The following NIPSNAP3B variants were observed in gnomAD, a reference collection of about 807,000 sequenced individuals.
NIPSNAP3B encodes the protein nipsnap homolog 3B, also known as protein NipSnap homolog 3B.
In NIPSNAP3B, 30 loss-of-function variants were observed where a neutral mutation model predicts 31.5. The observed-to-expected ratio is 0.95, with a 90% CI of 0.71 to 1.29. The LOEUF (loss-of-function observed/expected upper bound fraction) is 1.29. Ranked by LOEUF, NIPSNAP3B falls within the 50% of genes most tolerant of loss-of-function variation. The pLI, the probability that NIPSNAP3B is intolerant of heterozygous loss-of-function variation, is 0.00. For missense variants in NIPSNAP3B, 269 were observed against 300.7 expected (o/e 0.89, Z 0.78); for synonymous variants, 106 against 107.9 (o/e 0.98, Z 0.11).
chr9:104,789,819 C>T, the NIPSNAP3B span, among the ~76,000 whole-genome samples: 2 of 152,168 alleles, frequency 1.3e-5, no homozygotes, highest in African/African-American at 4.8e-5. Context: ...AGAAGCCGGG[C>T]GCAGTGGCTC....
In NIPSNAP3B at chr9:104,774,680, A is replaced by G. The variant is rs1944802902; in HGVS notation, c.*1607A>G. ...CCCCGGTTTAAGCAAAAATAGAATT[A>G]TGTGGTTTAAATCATATACCTTATT... On this transcript the variant is annotated 3_prime_UTR_variant, in exon 6 of 6. Coordinates refer to ENST00000374762, the MANE Select transcript of NIPSNAP3B (RefSeq NM_018376.4). 6.6e-6 allele frequency among the ~76,000 whole-genome samples: 1 copy of G among 152,192 alleles called. No individual in the cohort carries two copies. Among genetic ancestry groups the G allele is most frequent in the African/African-American group, 2.4e-5 (1 of 41,440 alleles).
the NIPSNAP3B span, chr9:104,788,441 C>A: frequency 1.9e-6 from 3 of 1,614,158 alleles, no homozygotes; most frequent in East Asian, 6.7e-5. Context: ...CAACTTCTTT[C>A]TCTGGGACTC....
the NIPSNAP3B span, chr9:104,783,172 T>C: frequency 6.6e-6 from 1 of 152,114 alleles, no homozygotes; most frequent in Admixed American, 6.6e-5. Context: ...AAAATAAAAA[T>C]AGTGGGGCAG....
intron 4 of NIPSNAP3B, 76 bp downstream of exon 4, chr9:104,771,074 T>G: frequency 7.6e-7 from 1 of 1,321,804 alleles, no homozygotes; most frequent in Non-Finnish European, 1.0e-6. Context: ...TTTTGGTACC[T>G]GTTTTAATTT....
At chr9:104,789,653 G>A in the NIPSNAP3B span, among the ~76,000 whole-genome samples, 1 of 152,210 alleles carries the variant, frequency 6.6e-6, no homozygotes, top group African/African-American at 2.4e-5. Flanking sequence ...ATTAGTAACA[G>A]TAGGTACTGC....
chr9:104,771,089 C>A, intron 4 of NIPSNAP3B, 91 bp downstream of exon 4: 1 of 1,177,512 alleles, frequency 8.5e-7, no homozygotes, highest in Non-Finnish European at 1.2e-6. Flanking sequence ...TAATTTTTAT[C>A]TCCAAATTTT....
At chr9:104,786,039 G>A in the NIPSNAP3B span, among the ~76,000 whole-genome samples, 1 of 152,128 alleles carries the variant, frequency 6.6e-6, no homozygotes, top group Non-Finnish European at 1.5e-5. Flanking sequence ...TTCATCTATA[G>A]CACAAAGCTA....
intron 3 of NIPSNAP3B, among the ~76,000 whole-genome samples, chr9:104,769,767 A>G (rs1344443313): frequency 6.6e-6 from 1 of 152,184 alleles, no homozygotes; most frequent in Non-Finnish European, 1.5e-5. Flanking sequence ...CATTAAGTAC[A>G]TCTTTGCTTG....
the NIPSNAP3B span, chr9:104,787,859 T>G: frequency 6.2e-7 from 1 of 1,613,834 alleles, no homozygotes; most frequent in Admixed American, 1.7e-5. Context: ...ATAGGACTTT[T>G]GAACAGTCAT....
In NIPSNAP3B at chr9:104,773,089, C is replaced by G. The variant is rs552388877; in HGVS notation, c.*16C>G. The G allele has an allele frequency of 6.2e-7, 1 of 1,604,826 alleles. No homozygotes were observed. Among genetic ancestry groups the G allele is most frequent in the Non-Finnish European group, 8.5e-7 (1 of 1,172,098 alleles). ...ATTGAAATAGTTTTCTACTGAAATA[C>G]AAAACATTTCATTAACTGCTCTAAG... is the stretch of plus-strand genomic sequence containing the variant. On this transcript the variant is annotated 3_prime_UTR_variant, in exon 6 of 6. Coordinates refer to ENST00000374762, the MANE Select transcript of NIPSNAP3B (RefSeq NM_018376.4).
rs2472473 is a variant in NIPSNAP3B, at chr9:104,775,400, G to C, written c.*2327G>C. 1.3e-5 allele frequency among the ~76,000 whole-genome samples: 2 copies of C among 151,908 alleles called. No homozygotes were observed. The highest frequency in any genetic ancestry group is 2.1e-4 in the South Asian group (1 of 4,826). On this transcript the variant is annotated 3_prime_UTR_variant, in exon 6 of 6. Coordinates refer to ENST00000374762, the MANE Select transcript of NIPSNAP3B (RefSeq NM_018376.4). ...GCAGTTGACCTCTCCTTTCTTCTGG[G>C]AAGTTTCTTCGTTTCTCCGAAACAC...
In NIPSNAP3B at chr9:104,770,943, A is replaced by G. The variant is rs780236629; in HGVS notation, c.525A>G (p.Leu175=). 6.2e-7 allele frequency: 1 copy of G among 1,613,850 alleles called. No homozygotes were observed. The highest frequency in any genetic ancestry group is 1.3e-5 in the African/African-American group (1 of 74,932). ...FERAINAHVN[L]GYTKVVGVFH... is the part of the protein sequence containing the mutation. ...GAGCAATTAATGCCCATGTCAATTT[A>G]GGCTACACAAAAGTAGTTGGTGTTT... The change falls in exon 4 of 6, where the codon TTA becomes TTG. Residue 175 remains leucine, a synonymous_variant. Transcript: ENST00000374762.
At chr9:104,771,031 A>C (rs541039698) in intron 4 of NIPSNAP3B, 33 bp downstream of exon 4, 7 of 1,605,562 alleles carry the variant, frequency 4.4e-6, no homozygotes, top group Non-Finnish European at 6.0e-6. Context: ...TGAAGTTGCC[A>C]TGTGTATTAG....
chr9:104,769,157 T>A, intron 3 of NIPSNAP3B, 136 bp downstream of exon 3: 1 of 613,658 alleles, frequency 1.6e-6, no homozygotes. Context: ...AGTCTGGAGA[T>A]AAAAATGAAT....
chr9:104,773,035 A>G lies in NIPSNAP3B; in HGVS notation c.706A>G (p.Met236Val), dbSNP rs1356971133. Residue 236 changes from methionine (M) to valine (V), a missense_variant, in exon 6 of 6, where the codon ATG (methionine) becomes GTG (valine). By Grantham distance (21) the Met-to-Val change is conservative. Coordinates refer to ENST00000374762, the MANE Select transcript of NIPSNAP3B (RefSeq NM_018376.4). ...CAACTACCTAGTTTCTCAGCAGAAT[A>G]TGCTTCTGATTCCTGCATCATTTTC... ...SVNYLVSQQN[M>V]LLIPASFSPL... 6.2e-7 allele frequency: 1 copy of G among 1,614,140 alleles called. No individual in the cohort carries two copies. Among genetic ancestry groups the G allele is most frequent in the Non-Finnish European group, 8.5e-7 (1 of 1,179,968 alleles).
chr9:104,764,274 C>A lies in NIPSNAP3B; in HGVS notation c.34C>A (p.Leu12Ile), dbSNP rs774995022. ...LVLRSGLTKA[L>I]ASRTLAPQVC... ...TCTCAGAAGCGGCCTGACCAAGGCGCTTGCCTCACGGACGCTCGCGCCTCA... is the reference window on the plus strand; with the variant it reads ...TCTCAGAAGCGGCCTGACCAAGGCGATTGCCTCACGGACGCTCGCGCCTCA... Residue 12 changes from leucine (L) to isoleucine (I), a missense_variant, in exon 1 of 6, where the codon CTT becomes ATT. Transcript: ENST00000374762. The A allele has an allele frequency of 2.5e-6, 4 of 1,597,346 alleles. No individual in the cohort carries two copies. Among genetic ancestry groups the A allele is most frequent in the Non-Finnish European group, 3.4e-6 (4 of 1,174,074 alleles).
intron 4 of NIPSNAP3B, among the ~76,000 whole-genome samples, chr9:104,772,230 AGCTCTTAAGT>A (rs1828237895): frequency 6.7e-6 from 1 of 150,102 alleles, no homozygotes; most frequent in Non-Finnish European, 1.5e-5. Context: ...GCTGTGCAGA[AGCTCTTAAGT>A]GTAATTAGAT....
At chr9:104,765,393 CTG>C (rs1828067335) in intron 1 of NIPSNAP3B, among the ~76,000 whole-genome samples, 1 of 152,178 alleles carries the variant, frequency 6.6e-6, no homozygotes, top group African/African-American at 2.4e-5. Context: ...CGGGAGTGGT[CTG>C]TGTATACACG....
chr9:104,778,833 G>A (rs993274172), downstream of NIPSNAP3B, among the ~76,000 whole-genome samples: 1 of 152,068 alleles, frequency 6.6e-6, no homozygotes, highest in Admixed American at 6.6e-5. Context: ...TTCTGAAACA[G>A]TAGGTCACAC....
Sources: allele counts gnomAD v4.1 joint callset (sites outside exome capture counted in the v4.1 genomes callset), GRCh38; gene constraint gnomAD v4.1.1; transcripts MANE v1.5; gene names NCBI Gene and HGNC (gene_info 2026-07-23, HGNC 2026-07-21).